The following C14orf39 variants were observed in gnomAD, a reference collection of about 807,000 sequenced individuals.
The protein encoded by C14orf39 is protein SIX6OS1.
A neutral mutation model predicts 85.6 loss-of-function variants in C14orf39; 66 were observed. That is an observed-to-expected ratio of 0.77 (90% CI 0.63 to 0.95). The LOEUF is 0.95. C14orf39 is among the 40% of genes least tolerant of loss of function. C14orf39 has a pLI of 0.00. For missense variants in C14orf39, 735 were observed against 663.9 expected, an observed-to-expected ratio of 1.11 and a Z score of -1.18; for synonymous variants, 242 against 214.0, an observed-to-expected ratio of 1.13 and a Z score of -1.14.
chr14:60,495,727 T>C (rs755621548), intron 2 of C14orf39: 1 of 199,888 alleles, frequency 5.0e-6, no homozygotes, highest in Non-Finnish European at 1.0e-5. Flanking sequence ...AGCGGAGTTG[T>C]ATCTACAAGG....
chr14:60,468,505 A>G lies in C14orf39; in HGVS notation c.707T>C (p.Leu236Pro). The G allele has an allele frequency of 1.3e-6, 2 of 1,595,298 alleles. No homozygotes were observed. Among genetic ancestry groups the G allele is most frequent in the Middle Eastern group, 1.7e-4 (1 of 5,990 alleles). ...QISRHNETKA[L>P]SETLEEKNKN... ...GTTCTTTTCTTCCAGAGTTTCTGAA[A>G]GAGCCTTAGTTTCATTATGCCTAGA... The change falls in exon 9 of 18, where the codon CTT (leucine) becomes CCT (proline). Residue 236 changes from leucine to proline, a missense_variant. Transcript: ENST00000321731.
chr14:60,508,795 G>C (rs990445414), intron 1 of C14orf39, among the ~76,000 whole-genome samples: 1 of 152,040 alleles, frequency 6.6e-6, no homozygotes, highest in Admixed American at 6.5e-5. Flanking sequence ...GTCCTCTGGA[G>C]ACCTCTCGAC....
At chr14:60,482,879 G>GGTGCGTGTGT (rs1892701562) in intron 4 of C14orf39, among the ~76,000 whole-genome samples, 2 of 146,746 alleles carry the variant, frequency 1.4e-5, no homozygotes, top group South Asian at 2.2e-4. Flanking sequence ...TATATAGACA[G>GGTGCGTGTGT]GTGTGTGTGT....
chr14:60,510,122 C>T (rs1251782098), intron 1 of C14orf39: 2 of 714,998 alleles, frequency 2.8e-6, no homozygotes, highest in Non-Finnish European at 2.4e-6. Flanking sequence ...GTTCTGGGCT[C>T]CTGGCCGGGA....
chr14:60,449,599 T>C (rs988845094), intron 16 of C14orf39, among the ~76,000 whole-genome samples: 3 of 152,218 alleles, frequency 2.0e-5, no homozygotes, highest in Non-Finnish European at 4.4e-5. Context: ...TATAATTACA[T>C]CCTCTCTTTC....
intron 15 of C14orf39, among the ~76,000 whole-genome samples, chr14:60,456,456 A>G (rs1891283474): frequency 6.9e-6 from 1 of 144,848 alleles, no homozygotes; most frequent in Non-Finnish European, 1.5e-5. Context: ...GAGTCTCACT[A>G]TGTTGCTCAG....
chr14:60,480,459 G>T (rs10139995), intron 4 of C14orf39, among the ~76,000 whole-genome samples: 132,593 of 152,084 alleles, frequency 0.87, 58,291 homozygotes, highest in Non-Finnish European at 0.92. Context: ...AACAACAAGT[G>T]TTGGGGAGGA....
At chr14:60,492,459 A>G (rs865993625) in intron 2 of C14orf39, among the ~76,000 whole-genome samples, 1 of 152,112 alleles carries the variant, frequency 6.6e-6, no homozygotes, top group Non-Finnish European at 1.5e-5. Flanking sequence ...AATAGAGACT[A>G]TGGCTACAAA....
intron 1 of C14orf39, chr14:60,512,629 A>G (rs1260016540): frequency 2.6e-5 from 4 of 152,222 alleles, no homozygotes; most frequent in African/African-American, 9.6e-5. Context: ...CAAGGGCCTC[A>G]TTGTCCTGGT....
intron 2 of C14orf39, among the ~76,000 whole-genome samples, chr14:60,497,860 C>T (rs142922841): frequency 6.7e-6 from 1 of 148,476 alleles, no homozygotes; most frequent in African/African-American, 2.5e-5. Flanking sequence ...CCAGCCTGGG[C>T]AACAAAAGTG....
chr14:60,445,759 A>G (rs140661456), intron 16 of C14orf39, among the ~76,000 whole-genome samples: 2,845 of 152,318 alleles, frequency 0.019, 110 homozygotes, highest in African/African-American at 0.065. Context: ...CAGAATATAC[A>G]TTCTTCTCAG....
intron 2 of C14orf39, among the ~76,000 whole-genome samples, chr14:60,493,138 C>T (rs1042669910): frequency 1.3e-5 from 2 of 152,110 alleles, no homozygotes; most frequent in Non-Finnish European, 2.9e-5. Flanking sequence ...CTTGGGGCTT[C>T]GAATGAACTG....
intron 1 of C14orf39, among the ~76,000 whole-genome samples, chr14:60,501,805 C>A (rs919292682): frequency 1.3e-5 from 2 of 152,050 alleles, no homozygotes; most frequent in African/African-American, 2.4e-5. Flanking sequence ...AGACCCAGGA[C>A]AAGATGGAAA....
At chr14:60,454,340 T>C (rs942072773) in intron 16 of C14orf39, among the ~76,000 whole-genome samples, 2 of 151,974 alleles carry the variant, frequency 1.3e-5, no homozygotes, top group African/African-American at 2.4e-5. Context: ...AAGTGCTTTA[T>C]GTGTATAAAC....
intron 16 of C14orf39, among the ~76,000 whole-genome samples, chr14:60,450,352 G>A (rs1890975573): frequency 6.6e-6 from 1 of 152,074 alleles, no homozygotes; most frequent in South Asian, 2.1e-4. Flanking sequence ...ACTGGGCTTC[G>A]AGTGGATATC....
chr14:60,447,615 T>G (rs1304094246), intron 16 of C14orf39, among the ~76,000 whole-genome samples: 2 of 152,182 alleles, frequency 1.3e-5, no homozygotes, highest in Non-Finnish European at 2.9e-5. Context: ...ATGGCCATAC[T>G]GCCCAAGATA....
chr14:60,510,526 G>T (rs1008401059), intron 1 of C14orf39, among the ~76,000 whole-genome samples: 2 of 152,212 alleles, frequency 1.3e-5, no homozygotes, highest in African/African-American at 4.8e-5. Context: ...GTGGGCCGAG[G>T]CTTTTCGTTT....
intron 16 of C14orf39, among the ~76,000 whole-genome samples, chr14:60,452,800 A>AAAAT (rs35023543): frequency 0.17 from 26,250 of 151,708 alleles, 3,700 homozygotes; most frequent in African/African-American, 0.39. Context: ...ATAAAAATTA[A>AAAAT]AAATAAATAA....
At chr14:60,483,380 A>C (rs1566681911) in intron 4 of C14orf39, among the ~76,000 whole-genome samples, 1 of 152,172 alleles carries the variant, frequency 6.6e-6, no homozygotes, top group Non-Finnish European at 1.5e-5. Context: ...CCCTCACACA[A>C]AAATAAGATC....
Sources: gnomAD v4.1 joint callset for allele counts (sites outside exome capture counted in the v4.1 genomes callset) on GRCh38, gnomAD v4.1.1 for gene constraint, MANE v1.5 for transcripts, NCBI Gene and HGNC (gene_info 2026-07-23, HGNC 2026-07-21) for gene names.